Variants in BICC1 observed in about 807,000 individuals in gnomAD.
The protein encoded by BICC1 is BicC family RNA binding protein 1.
In BICC1, 43 loss-of-function variants were observed where a neutral mutation model predicts 111.0. The ratio of observed to expected loss-of-function variants is 0.39; its 90% CI spans 0.30 to 0.50. BICC1 has a LOEUF of 0.50. Ranked by LOEUF, BICC1 falls within the 20% of genes least tolerant of loss-of-function variation. The pLI is 0.88. For missense variants in BICC1, 1,091 were observed against 1,203.2 expected (o/e 0.91, Z 1.38); for synonymous variants, 467 against 434.4 (o/e 1.07, Z -0.93).
At chr10:58,642,315 C>G (rs978747669) in intron 2 of BICC1, among the ~76,000 whole-genome samples, 1 of 152,098 alleles carries the variant, frequency 6.6e-6, no homozygotes, top group Admixed American at 6.5e-5. Flanking sequence ...TTTTCATGTA[C>G]TGAGTACTGT....
chr10:58,744,855 G>A (rs764586474), intron 3 of BICC1, among the ~76,000 whole-genome samples: 2 of 152,126 alleles, frequency 1.3e-5, no homozygotes, highest in Non-Finnish European at 2.9e-5. Flanking sequence ...ATCAGAGATA[G>A]CCTTATAGGA....
chr10:58,522,697 T>C (rs1213394538), intron 1 of BICC1, among the ~76,000 whole-genome samples: 1 of 151,968 alleles, frequency 6.6e-6, no homozygotes, highest in Non-Finnish European at 1.5e-5. Flanking sequence ...AAGAAATAGC[T>C]AAGATCAGAG....
At chr10:58,721,025 G>A (rs183979613) in intron 3 of BICC1, among the ~76,000 whole-genome samples, 2 of 152,294 alleles carry the variant, frequency 1.3e-5, no homozygotes, top group Admixed American at 6.5e-5. Flanking sequence ...CTTCTCTACC[G>A]GAGCACATTG....
chr10:58,794,165 TTGTGTGTGTGTGTGTGTGTGTGTG>T (rs71006206), intron 9 of BICC1, among the ~76,000 whole-genome samples: 1 of 138,226 alleles, frequency 7.2e-6, no homozygotes, highest in Non-Finnish European at 1.6e-5. Context: ...CTTACATGTT[TTGTGTGTGTGTGTGTGTGTGTGTG>T]TGTGTGTGTG....
At chr10:58,630,370 C>T (rs1450457890) in intron 2 of BICC1, among the ~76,000 whole-genome samples, 3 of 152,104 alleles carry the variant, frequency 2.0e-5, no homozygotes, top group African/African-American at 4.8e-5. Flanking sequence ...CCAGAGTGAG[C>T]GATGCTCCTA....
chr10:58,644,473 A>G (rs990065633), intron 2 of BICC1, among the ~76,000 whole-genome samples: 1 of 152,152 alleles, frequency 6.6e-6, no homozygotes, highest in Non-Finnish European at 1.5e-5. Flanking sequence ...TGTGCAGCAC[A>G]GAAACAGAAC....
At chr10:58,772,566 A>G (rs1456109654) in intron 3 of BICC1, among the ~76,000 whole-genome samples, 1 of 152,222 alleles carries the variant, frequency 6.6e-6, no homozygotes, top group Non-Finnish European at 1.5e-5. Flanking sequence ...AGGTTTCAAA[A>G]TCTGTTCCCT....
intron 20 of BICC1, among the ~76,000 whole-genome samples, chr10:58,828,347 G>A (rs1029090758): frequency 6.6e-6 from 1 of 152,138 alleles, no homozygotes; most frequent in Non-Finnish European, 1.5e-5. Context: ...ATAATTTTCT[G>A]TGCCATCAGT....
intron 1 of BICC1, among the ~76,000 whole-genome samples, chr10:58,569,276 C>T (rs1843867927): frequency 6.6e-6 from 1 of 152,166 alleles, no homozygotes; most frequent in Admixed American, 6.5e-5. Context: ...GGAAGTTCTT[C>T]AATCTCAAAC....
chr10:58,790,884 G>T (rs1212013493), intron 8 of BICC1, among the ~76,000 whole-genome samples: 1 of 152,198 alleles, frequency 6.6e-6, no homozygotes, highest in Non-Finnish European at 1.5e-5. Context: ...TGGACATGAT[G>T]CTGGGCTTAC....
intron 3 of BICC1, among the ~76,000 whole-genome samples, chr10:58,775,853 G>T (rs757186634): frequency 2.0e-5 from 3 of 152,128 alleles, no homozygotes; most frequent in Non-Finnish European, 4.4e-5. Context: ...TTTAATTTTT[G>T]TGAATATTAC....
intron 2 of BICC1, among the ~76,000 whole-genome samples, chr10:58,697,408 ATTC>A (rs1840094927): frequency 6.6e-6 from 1 of 152,168 alleles, no homozygotes; most frequent in African/African-American, 2.4e-5. Context: ...TCAGTAGTTT[ATTC>A]TTTCAGTTTT....
chr10:58,769,808 G>A (rs1279445803), intron 3 of BICC1, among the ~76,000 whole-genome samples: 1 of 151,922 alleles, frequency 6.6e-6, no homozygotes, highest in African/African-American at 2.4e-5. Context: ...TTACCAGCTA[G>A]GGAGCTGAGG....
Position 58,633,977 on chromosome 10 carries a change from CT to C in BICC1, c.237+13088del, listed in dbSNP as rs3076172. On this transcript the variant is annotated intron_variant, in intron 2 of 20. Transcript: ENST00000373886. Reference sequence around the variant, plus strand: ...TAGGGGCGGAATTTCTTTTCTTTTTCTTTTTTTTTTTTCTTTTCTTTTTTTT... The same window carrying C: ...TAGGGGCGGAATTTCTTTTCTTTTTCTTTTTTTTTTTCTTTTCTTTTTTTT... 3.5e-3 allele frequency among the ~76,000 whole-genome samples: 484 copies of C among 138,138 alleles called. 2 individuals carry two copies. The highest frequency in any genetic ancestry group is 0.012 in the African/African-American group (433 of 37,140). 90.6% of individuals were successfully genotyped at this position (138,138 alleles called of 152,430 possible).
chr10:58,515,655 G>A (rs1842224255), intron 1 of BICC1, among the ~76,000 whole-genome samples: 1 of 152,150 alleles, frequency 6.6e-6, no homozygotes, highest in African/African-American at 2.4e-5. Context: ...GTGAGCACTG[G>A]GATCACTAAT....
At chr10:58,606,345 A>G (rs1187420337) in intron 1 of BICC1, among the ~76,000 whole-genome samples, 1 of 147,770 alleles carries the variant, frequency 6.8e-6, no homozygotes, top group Non-Finnish European at 1.5e-5. Flanking sequence ...TGAAAATTTC[A>G]CCATATCCTT....
Position 58,715,797 on chromosome 10 carries a change from A to G in BICC1, c.307+13654A>G. 3.6e-6 allele frequency: 5 copies of G among 1,380,254 alleles called. No individual in the cohort carries two copies. The South Asian group carries it at 6.1e-5, about 17-fold the overall frequency. 85.5% of individuals were successfully genotyped at this position (1,380,254 alleles called of 1,614,324 possible). A position where few individuals can be genotyped will look rare whatever the true frequency, so the allele number is the denominator to read the frequency against. ...GGAAAAACACAGGGAGAAATTGTTAACTGCAAGTGAGAGCTCATCCAAAAA... is the reference window on the plus strand; with the variant it reads ...GGAAAAACACAGGGAGAAATTGTTAGCTGCAAGTGAGAGCTCATCCAAAAA... On this transcript the variant is annotated intron_variant, in intron 3 of 20. Coordinates refer to ENST00000373886, the MANE Select transcript of BICC1 (RefSeq NM_001080512.3).
At chr10:58,619,494 T>TG (rs1845726983) in intron 1 of BICC1, among the ~76,000 whole-genome samples, 2 of 151,208 alleles carry the variant, frequency 1.3e-5, no homozygotes, top group African/African-American at 2.4e-5. Context: ...TTTTTTTTTT[T>TG]TGAGAGAGTC....
At chr10:58,811,987 T>G (rs1232511223) in intron 17 of BICC1, among the ~76,000 whole-genome samples, 1 of 152,084 alleles carries the variant, frequency 6.6e-6, no homozygotes, top group African/African-American at 2.4e-5. Context: ...GAGGCTGGAT[T>G]ATGGAGCCTG....
Sources: gnomAD v4.1 joint callset for allele counts (sites outside exome capture counted in the v4.1 genomes callset) on GRCh38, gnomAD v4.1.1 for gene constraint, MANE v1.5 for transcripts, NCBI Gene and HGNC (gene_info 2026-07-23, HGNC 2026-07-21) for gene names.